PCNX1: variants seen among roughly 807,000 people sequenced by gnomAD.
PCNX1 encodes pecanex 1, also known as pecanex-like protein 1.
In PCNX1, 78 loss-of-function variants were observed where a neutral mutation model predicts 242.2. That is an observed-to-expected ratio of 0.32 (90% CI 0.27 to 0.39). PCNX1 has a LOEUF of 0.39. Ranked by LOEUF, PCNX1 falls within the 10% of genes least tolerant of loss-of-function variation. PCNX1 has a pLI of 1.00. For synonymous variants in PCNX1, 1,024 were observed against 1,032.9 expected (o/e 0.99, Z 0.17); for missense variants, 2,581 against 2,856.5 (o/e 0.90, Z 2.20).
chr14:70,938,602 T>G (rs1273713289), intron 1 of PCNX1, among the ~76,000 whole-genome samples: 1 of 152,236 alleles, frequency 6.6e-6, no homozygotes, highest in Non-Finnish European at 1.5e-5. Context: ...TTTTTGGTTG[T>G]GTCTCTGTCC....
intron 30 of PCNX1, chr14:71,093,262 A>C (rs2062183643): frequency 6.6e-6 from 1 of 152,226 alleles, no homozygotes. Context: ...GATGTTGCAC[A>C]TGACTTCACA....
At chr14:71,001,827 G>A (rs150832999) in intron 8 of PCNX1, among the ~76,000 whole-genome samples, 289 of 152,272 alleles carry the variant, frequency 1.9e-3, no homozygotes, top group African/African-American at 6.7e-3. Flanking sequence ...ATCTATTTCT[G>A]TCATGATGGA....
At chr14:70,990,408 A>T (rs1254070175) in intron 7 of PCNX1, among the ~76,000 whole-genome samples, 2 of 151,712 alleles carry the variant, frequency 1.3e-5, no homozygotes, top group Non-Finnish European at 2.9e-5. Flanking sequence ...AAATAAAAAA[A>T]AAAAAATTAG....
chr14:70,987,237 A>C (rs149397139), intron 6 of PCNX1, among the ~76,000 whole-genome samples: 1 of 152,210 alleles, frequency 6.6e-6, no homozygotes, highest in Non-Finnish European at 1.5e-5. Flanking sequence ...GCACTGTTCA[A>C]TATAACTTTG....
At chr14:71,016,453 C>G (rs775073911) in intron 11 of PCNX1, among the ~76,000 whole-genome samples, 1 of 152,180 alleles carries the variant, frequency 6.6e-6, no homozygotes, top group African/African-American at 2.4e-5. Flanking sequence ...ATACATTTTT[C>G]TAAGTGCTCA....
rs368230451 is a variant in PCNX1 at position 71,028,840 on chromosome 14, A to G, written c.3558+49A>G. 8.0e-5 allele frequency: 90 copies of G among 1,129,340 alleles called. No homozygotes were observed. The African/African-American group carries it at 1.2e-3, about 16-fold the overall frequency. The allele number at this position is 1,129,340 out of a possible 1,614,324, so 70.0% of individuals were successfully genotyped here. ...TTTGTCTTTAAGGCTATATTTCTAT[A>G]TGAAGGTTGTTTTAAAATCAACTAA... On this transcript the variant is annotated intron_variant, in intron 16 of 35. Coordinates refer to ENST00000304743, the MANE Select transcript of PCNX1 (RefSeq NM_014982.3).
At chr14:70,998,750 CAAAAAA>C (rs34044438) in intron 8 of PCNX1, among the ~76,000 whole-genome samples, 3 of 89,090 alleles carry the variant, frequency 3.4e-5, no homozygotes, top group Non-Finnish European at 7.0e-5. Context: ...GACCCTATCT[CAAAAAA>C]AAAAAAAAAA....
At chr14:71,024,713 A>G (rs921098108) in intron 13 of PCNX1, among the ~76,000 whole-genome samples, 2 of 152,180 alleles carry the variant, frequency 1.3e-5, no homozygotes, top group African/African-American at 2.4e-5. Context: ...CAGTATTAAC[A>G]TTTTGGCCAG....
rs1310835625 is a variant in PCNX1, at chr14:71,073,614, G to A, written c.4922G>A (p.Cys1641Tyr). Residue 1641 changes from cysteine to tyrosine, a missense_variant, in exon 27 of 36, where the codon TGT becomes TAT. Physicochemically the swap from Cys to Tyr is radical, Grantham distance 194. This residue lies in a region of PCNX1 where 298 missense variants were observed against 480.1 expected (regional missense o/e 0.62). Coordinates refer to ENST00000304743, the MANE Select transcript of PCNX1 (RefSeq NM_014982.3). Reference protein sequence around the residue: ...EGVEEDEGFCCCEPGHIPHML... With the variant: ...EGVEEDEGFCYCEPGHIPHML... The stretch of plus-strand genomic sequence containing the variant: ...GTAGAGGAAGATGAAGGATTTTGCT[G>A]TTGTGAACCTGGCCATATTCCTCAC... 6.2e-7 allele frequency: 1 copy of A among 1,613,974 alleles called. No homozygotes were observed. The highest frequency in any genetic ancestry group is 8.5e-7 in the Non-Finnish European group (1 of 1,179,904).
rs781093129 is a variant in PCNX1 at position 70,977,433 on chromosome 14, A to G, written c.1096A>G (p.Lys366Glu). The change falls in exon 6 of 36, where the codon AAA (lysine) becomes GAA (glutamate). Residue 366 changes from lysine to glutamate, a missense_variant. Around this residue, in one of 9 missense-constraint regions of PCNX1, gnomAD observed 1,204 missense variants for 1,216.7 expected, o/e 0.99. Coordinates refer to ENST00000304743, the MANE Select transcript of PCNX1 (RefSeq NM_014982.3). The part of the protein sequence containing the change: ...SGKSKPLKAE[K>E]SMDSLRSLST... ...GAAGAGCAAACCTTTGAAAGCAGAG[A>G]AAAGCATGGACAGCTTGAGGAGCCT... 6.2e-7 allele frequency: 1 copy of G among 1,614,088 alleles called. No individual in the cohort carries two copies. The highest frequency in any genetic ancestry group is 1.7e-5 in the Admixed American group (1 of 60,024).
Position 70,977,458 on chromosome 14 carries a change from T to C in PCNX1, c.1121T>C (p.Leu374Pro). 1.2e-6 allele frequency: 2 copies of C among 1,614,054 alleles called. No homozygotes were observed. Among genetic ancestry groups the C allele is most frequent in the Non-Finnish European group, 1.7e-6 (2 of 1,180,024 alleles). Reference sequence around the variant, plus strand: ...AAAAGCATGGACAGCTTGAGGAGCCTGAGCACACGGAGTAGTGGGTCAACA... The same window carrying C: ...AAAAGCATGGACAGCTTGAGGAGCCCGAGCACACGGAGTAGTGGGTCAACA... ...AEKSMDSLRS[L>P]STRSSGSTES... The change falls in exon 6 of 36, where the codon CTG (leucine) becomes CCG (proline). Residue 374 changes from leucine (L) to proline (P), a missense_variant. Transcript: ENST00000304743.
intron 20 of PCNX1, among the ~76,000 whole-genome samples, chr14:71,046,763 T>C (rs987579): frequency 0.17 from 25,436 of 152,048 alleles, 2,700 homozygotes; most frequent in African/African-American, 0.29. Context: ...GAAACTCATC[T>C]AAATGTTAAA....
intron 8 of PCNX1, among the ~76,000 whole-genome samples, chr14:71,008,972 TCATTTGCAA>T (rs1406365234): frequency 3.3e-5 from 5 of 152,202 alleles, no homozygotes; most frequent in African/African-American, 9.7e-5. Flanking sequence ...AAATCTGTAT[TCATTTGCAA>T]CATTTGCAAC....
In PCNX1 at chr14:71,059,135, G is replaced by A. The variant is rs2061259162; in HGVS notation, c.4852+1411G>A. Among the ~76,000 whole-genome samples, 2 of 152,090 alleles carry A rather than the reference G, an allele frequency of 1.3e-5. 1 individual carries two copies. The highest frequency in any genetic ancestry group is 4.1e-4 in the South Asian group (2 of 4,822). ...TTCTACATATGTGAAATGAAAGGGG[G>A]GGTGGTTCTTCTTACCATCTGCTCA... On this transcript the variant is annotated intron_variant, in intron 26 of 35. Transcript: ENST00000304743.
intron 15 of PCNX1, among the ~76,000 whole-genome samples, chr14:71,028,495 G>T (rs923208979): frequency 6.6e-6 from 1 of 151,510 alleles, no homozygotes; most frequent in African/African-American, 2.4e-5. Context: ...ATTTTATCTC[G>T]TAACAAAGAC....
Position 71,111,528 on chromosome 14 carries a change from G to A in PCNX1, c.*1593G>A, listed in dbSNP as rs188618616. On this transcript the variant is annotated 3_prime_UTR_variant, in exon 36 of 36. Transcript: ENST00000304743. Reference sequence around the variant, plus strand: ...TAGCTACATGTACCTAGTGGCTACTGTATTAGACAGTACAGATTTAAAGTA... The same window carrying A: ...TAGCTACATGTACCTAGTGGCTACTATATTAGACAGTACAGATTTAAAGTA... The A allele has an allele frequency of 2.4e-3, 361 of 152,310 alleles. 3 individuals carry two copies. The highest frequency in any genetic ancestry group is 8.4e-3 in the African/African-American group (349 of 41,560). The allele number at this position is 152,310 out of a possible 1,614,324, so 9.4% of individuals were successfully genotyped here. A position where few individuals can be genotyped will look rare whatever the true frequency, so the allele number is the denominator to read the frequency against.
chr14:71,072,187 T>C (rs2061601965), intron 26 of PCNX1, among the ~76,000 whole-genome samples: 1 of 152,176 alleles, frequency 6.6e-6, no homozygotes, highest in Non-Finnish European at 1.5e-5. Context: ...ATAGATTTGC[T>C]TGACACAAGG....
chr14:70,915,239 A>G (rs2056103248), intron 1 of PCNX1, among the ~76,000 whole-genome samples: 1 of 152,148 alleles, frequency 6.6e-6, no homozygotes, highest in Non-Finnish European at 1.5e-5. Flanking sequence ...CAACATGAGG[A>G]TAGGTTTTAT....
At chr14:70,964,656 A>G (rs1013640880) in intron 3 of PCNX1, among the ~76,000 whole-genome samples, 9 of 152,204 alleles carry the variant, frequency 5.9e-5, no homozygotes, top group African/African-American at 2.2e-4. Flanking sequence ...TGAAAGGGCC[A>G]GCAGTGGCCA....
Sources: allele counts gnomAD v4.1 joint callset (sites outside exome capture counted in the v4.1 genomes callset), GRCh38; gene constraint gnomAD v4.1.1; regional missense constraint gnomAD v4.1.1; transcripts MANE v1.5; gene names NCBI Gene and HGNC (gene_info 2026-07-23, HGNC 2026-07-21).